CCDC117: variants seen among roughly 807,000 people sequenced by gnomAD.
CCDC117 encodes coiled-coil domain containing 117.
CCDC117 carries 1 observed loss-of-function variant against 23.5 expected under a neutral mutation model. The ratio of observed to expected loss-of-function variants is 0.04; its 90% confidence interval spans 0.02 to 0.20. The LOEUF (loss-of-function observed/expected upper bound fraction) is 0.20, where lower values mean the gene tolerates loss of function less well. Ranked by LOEUF, CCDC117 falls within the 10% of genes least tolerant of loss-of-function variation. CCDC117 has a pLI of 1.00. For missense variants in CCDC117, 383 were observed against 348.2 expected, an observed-to-expected ratio of 1.10 and a Z score of -0.80; for synonymous variants, 132 against 124.8, an observed-to-expected ratio of 1.06 and a Z score of -0.39.
At chr22:28,775,183 C>T (rs1174746471) in intron 2 of CCDC117, among the ~76,000 whole-genome samples, 1 of 152,152 alleles carries the variant, frequency 6.6e-6, no homozygotes, top group African/African-American at 2.4e-5. Flanking sequence ...ATCACTTGAA[C>T]CCGGGAGGTG....
In CCDC117 at chr22:28,772,931, C is replaced by G; in HGVS notation, c.82C>G (p.Pro28Ala). 8.2e-7 allele frequency: 1 copy of G among 1,221,824 alleles called. No homozygotes were observed. The highest frequency in any genetic ancestry group is 1.0e-6 in the Non-Finnish European group (1 of 981,332). 75.7% of individuals were successfully genotyped at this position (1,221,824 alleles called of 1,614,324 possible). The change falls in exon 1 of 5, where the codon CCC (proline) becomes GCC (alanine). Residue 28 changes from proline (P) to alanine (A), a missense_variant. Physicochemically the swap from Pro to Ala is conservative, Grantham distance 27. Coordinates refer to ENST00000249064, the MANE Select transcript of CCDC117 (RefSeq NM_173510.4). ...CCTGCAGCCGCCGCAGCCGGCCTTC[C>G]CCGGCCGGGCCTTCCCGCCGGGGGC... ...DFLQPPQPAF[P>A]GRAFPPGADG...
At chr22:28,773,676 C>T (rs775114220) in intron 1 of CCDC117, 49 bp from the exon 2 acceptor site, 10 of 1,476,438 alleles carry the variant, frequency 6.8e-6, no homozygotes, top group Admixed American at 5.1e-5. Context: ...ACTGAAACCA[C>T]AAGCTCGAGT....
chr22:28,779,179 T>C (rs1186150508), intron 2 of CCDC117, among the ~76,000 whole-genome samples: 2 of 149,414 alleles, frequency 1.3e-5, no homozygotes, highest in African/African-American at 5.0e-5. Flanking sequence ...TTTCTGCTTT[T>C]CAAAATATCA....
chr22:28,784,143 C>T (rs1244362881), intron 4 of CCDC117, among the ~76,000 whole-genome samples: 1 of 152,200 alleles, frequency 6.6e-6, no homozygotes, highest in Non-Finnish European at 1.5e-5. Flanking sequence ...TGCTCTTAAT[C>T]TAAACACAGT....
rs1465286886 is a variant in CCDC117 at position 28,788,669 on chromosome 22, C to G, written c.*2343C>G. On this transcript the variant is annotated 3_prime_UTR_variant, in exon 5 of 5. Coordinates refer to ENST00000249064, the MANE Select transcript of CCDC117 (RefSeq NM_173510.4). Reference sequence around the variant, plus strand: ...GGACTTTATCTTCTTGCAAAAATTTCTACAAAAATTGTTTTCTTCATCCTT... The same window carrying G: ...GGACTTTATCTTCTTGCAAAAATTTGTACAAAAATTGTTTTCTTCATCCTT... 2 of 152,592 alleles carry G rather than the reference C, an allele frequency of 1.3e-5. No individual in the cohort carries two copies. The highest frequency in any genetic ancestry group is 1.3e-4 in the Admixed American group (2 of 15,258). 9.5% of individuals were successfully genotyped at this position (152,592 alleles called of 1,614,324 possible).
At chr22:28,773,429 T>G (rs955876072) in intron 1 of CCDC117, 2 of 379,248 alleles carry the variant, frequency 5.3e-6, no homozygotes, top group Non-Finnish European at 9.8e-6. Context: ...TTAGTGAGAT[T>G]ATTTAAATAA....
chr22:28,773,938 T>C (rs1458712234), intron 2 of CCDC117, among the ~76,000 whole-genome samples, 160 bp downstream of exon 2: 1 of 152,216 alleles, frequency 6.6e-6, no homozygotes, highest in Non-Finnish European at 1.5e-5. Flanking sequence ...AAAGTAACAG[T>C]GGCAGGCAGA....
intron 4 of CCDC117, among the ~76,000 whole-genome samples, chr22:28,784,191 G>A (rs1481617817): frequency 6.6e-6 from 1 of 152,178 alleles, no homozygotes; most frequent in African/African-American, 2.4e-5. Context: ...GATCATCAGA[G>A]TAGAAGCAGA....
chr22:28,778,001 A>T (rs2031220024), intron 2 of CCDC117, among the ~76,000 whole-genome samples: 1 of 151,718 alleles, frequency 6.6e-6, no homozygotes, highest in African/African-American at 2.4e-5. Context: ...GCGTGCCACC[A>T]CGCCCGGCAA....
Position 28,772,782 on chromosome 22 carries a change from C to T in CCDC117, c.-68C>T. ...TGGCGGGTTTTGGCAGTAGCTGTGG[C>T]TGCGGCTGCCGGGCCTGGGGACGCG... On this transcript the variant is annotated 5_prime_UTR_variant, in exon 1 of 5. Coordinates refer to ENST00000249064, the MANE Select transcript of CCDC117 (RefSeq NM_173510.4). The T allele has an allele frequency of 1.7e-6, 2 of 1,186,860 alleles. No individual in the cohort carries two copies. The highest frequency in any genetic ancestry group is 2.1e-6 in the Non-Finnish European group (2 of 952,116). 73.5% of individuals were successfully genotyped at this position (1,186,860 alleles called of 1,614,324 possible).
At chr22:28,783,147 T>A (rs1305484522) in intron 3 of CCDC117, among the ~76,000 whole-genome samples, 1 of 152,170 alleles carries the variant, frequency 6.6e-6, no homozygotes, top group African/African-American at 2.4e-5. Flanking sequence ...GTTCAAGTGA[T>A]TCTCCTGCCT....
rs577482382 is a variant in CCDC117, at chr22:28,775,186, G to A, written c.239+1408G>A. Among the ~76,000 whole-genome samples the A allele has an allele frequency of 7.6e-4, 116 of 152,264 alleles. 2 individuals are homozygous for A. The South Asian group carries it at 0.022, about 29-fold the overall frequency. ...TGAGGCAGGAGAATCACTTGAACCCGGGAGGTGGAGGTTGCAGTGAGCCAA... is the reference window on the plus strand; with the variant it reads ...TGAGGCAGGAGAATCACTTGAACCCAGGAGGTGGAGGTTGCAGTGAGCCAA... On this transcript the variant is annotated intron_variant, in intron 2 of 4. Coordinates refer to ENST00000249064, the MANE Select transcript of CCDC117 (RefSeq NM_173510.4).
chr22:28,786,427 G>T lies in CCDC117; in HGVS notation c.*101G>T. The stretch of plus-strand genomic sequence containing the variant: ...AGGGACTTGAAAGTTTTATGAGACG[G>T]GTGTAATAATATCTCCACCTGTGAT... On this transcript the variant is annotated 3_prime_UTR_variant, in exon 5 of 5. Coordinates refer to ENST00000249064, the MANE Select transcript of CCDC117 (RefSeq NM_173510.4). The T allele has an allele frequency of 1.3e-6, 1 of 754,056 alleles. No homozygotes were observed. Among genetic ancestry groups the T allele is most frequent in the Non-Finnish European group, 2.1e-6 (1 of 470,322 alleles). 46.7% of individuals were successfully genotyped at this position (754,056 alleles called of 1,614,324 possible).
chr22:28,785,333 C>G (rs2031480264), intron 4 of CCDC117, among the ~76,000 whole-genome samples: 1 of 152,104 alleles, frequency 6.6e-6, no homozygotes, highest in Non-Finnish European at 1.5e-5. Context: ...GGACTACAGT[C>G]ACCTGCTACC....
chr22:28,774,427 G>C (rs576274426), intron 2 of CCDC117, among the ~76,000 whole-genome samples: 2 of 146,564 alleles, frequency 1.4e-5, no homozygotes, highest in South Asian at 4.3e-4. Flanking sequence ...CTGGAGTGCA[G>C]TTGTGTGATC....
intron 2 of CCDC117, among the ~76,000 whole-genome samples, chr22:28,778,163 C>T (rs2031224431): frequency 6.6e-6 from 1 of 152,150 alleles, no homozygotes; most frequent in Non-Finnish European, 1.5e-5. Flanking sequence ...CACGTCCTGC[C>T]AGGAAATCTT....
chr22:28,781,197 G>T (rs1555946014), intron 3 of CCDC117, 25 bp downstream of exon 3: 10 of 1,417,282 alleles, frequency 7.1e-6, no homozygotes, highest in South Asian at 4.7e-5. Context: ...TATATAGCTG[G>T]TTTTTTGCTG....
In CCDC117 at chr22:28,773,046, G is replaced by T; in HGVS notation, c.185+12G>T. ...GCGGCGCGCGGACGGTGAGGAGCCC[G>T]TCGGGCGCAGGGCGCAGGGCGGGCG... On this transcript the variant is annotated intron_variant, in intron 1 of 4. Coordinates refer to ENST00000249064, the MANE Select transcript of CCDC117 (RefSeq NM_173510.4). 2 of 1,132,028 alleles carry T rather than the reference G, an allele frequency of 1.8e-6. No homozygotes were observed. Among genetic ancestry groups the T allele is most frequent in the African/African-American group, 1.8e-5 (1 of 56,982 alleles). 70.1% of individuals were successfully genotyped at this position (1,132,028 alleles called of 1,614,324 possible). A position where few individuals can be genotyped will look rare whatever the true frequency, so the allele number is the denominator to read the frequency against.
At chr22:28,779,516 C>T (rs1015688281) in intron 2 of CCDC117, among the ~76,000 whole-genome samples, 1 of 152,074 alleles carries the variant, frequency 6.6e-6, no homozygotes, top group African/African-American at 2.4e-5. Flanking sequence ...TAAAATATCC[C>T]ATATTTTAAA....
Sources: allele counts gnomAD v4.1 joint callset (sites outside exome capture counted in the v4.1 genomes callset), GRCh38; gene constraint gnomAD v4.1.1; transcripts MANE v1.5; gene names NCBI Gene and HGNC (gene_info 2026-07-23, HGNC 2026-07-21).